Variants in MRTFB observed in about 807,000 individuals in gnomAD.
The protein encoded by MRTFB is myocardin related transcription factor B.
Under a neutral mutation model 104.2 loss-of-function variants are expected in MRTFB, and 29 were observed. The observed-to-expected ratio is 0.28, with a 90% confidence interval of 0.21 to 0.38. The LOEUF is 0.38. Among genes scored for constraint, MRTFB ranks in the 10% least tolerant of loss-of-function variants. The pLI, the probability that MRTFB is intolerant of heterozygous loss-of-function variation, is 1.00. For synonymous variants in MRTFB, 535 were observed against 519.5 expected (o/e 1.03, Z -0.41); for missense variants, 1,270 against 1,341.6 (o/e 0.95, Z 0.83).
chr16:14,236,773 G>T (rs867713387), intron 9 of MRTFB, among the ~76,000 whole-genome samples: 6 of 152,188 alleles, frequency 3.9e-5, no homozygotes, highest in Middle Eastern at 3.2e-3. Context: ...TTGTATTACT[G>T]CTAAGGGAAG....
intron 8 of MRTFB, among the ~76,000 whole-genome samples, chr16:14,225,912 A>G (rs764778921): frequency 1.4e-4 from 22 of 152,334 alleles, no homozygotes; most frequent in Non-Finnish European, 2.9e-4. Context: ...GGGGTTATCT[A>G]TGCCATAGGC....
intron 3 of MRTFB, chr16:14,143,979 T>A (rs1243380565): frequency 6.6e-6 from 1 of 152,270 alleles, no homozygotes; most frequent in African/African-American, 2.4e-5. Context: ...AATATTTGAC[T>A]ACGTTTTAAA....
intron 2 of MRTFB, among the ~76,000 whole-genome samples, chr16:14,090,261 T>G (rs1331715462): frequency 2.6e-5 from 4 of 152,262 alleles, no homozygotes; most frequent in African/African-American, 9.6e-5. Flanking sequence ...ATTAGTTTAT[T>G]AACTATACAA....
rs367787080 is a variant in MRTFB at position 14,167,321 on chromosome 16, G to A, written c.154+26561G>A. 4.6e-5 allele frequency among the ~76,000 whole-genome samples: 7 copies of A among 151,692 alleles called. No individual in the cohort carries two copies. In the East Asian group the frequency reaches 5.8e-4, roughly 13 times the overall value. ...AAATGTCTTCTTTTGAGAAATGTCTGTTCATTTCCTGTCCTTTGCCTACTT... is the reference window on the plus strand; with the variant it reads ...AAATGTCTTCTTTTGAGAAATGTCTATTCATTTCCTGTCCTTTGCCTACTT... On this transcript the variant is annotated intron_variant, in intron 3 of 16. Transcript: ENST00000571589.
the MRTFB span, among the ~76,000 whole-genome samples, chr16:14,017,697 A>G: frequency 4.4e-3 from 86 of 19,402 alleles, 1 homozygote; most frequent in Middle Eastern, 0.024. Flanking sequence ...GTATATATAT[A>G]TATATATATA....
chr16:14,147,069 A>G (rs1382282002), intron 3 of MRTFB, among the ~76,000 whole-genome samples: 1 of 152,194 alleles, frequency 6.6e-6, no homozygotes, highest in Non-Finnish European at 1.5e-5. Flanking sequence ...TGCTGTTAAC[A>G]TATTTAGGAT....
At chr16:14,209,865 A>T (rs961963150) in intron 3 of MRTFB, among the ~76,000 whole-genome samples, 4 of 152,194 alleles carry the variant, frequency 2.6e-5, no homozygotes, top group African/African-American at 9.7e-5. Context: ...ATTTGTTTTT[A>T]AAAAACTAAG....
intron 2 of MRTFB, among the ~76,000 whole-genome samples, chr16:14,135,046 G>A (rs1030186248): frequency 1.3e-5 from 2 of 152,200 alleles, no homozygotes; most frequent in Non-Finnish European, 2.9e-5. Context: ...GTCTCTAAGA[G>A]AGAAATGATT....
intron 16 of MRTFB, among the ~76,000 whole-genome samples, chr16:14,260,692 GT>G (rs2043735762): frequency 6.6e-6 from 1 of 152,134 alleles, no homozygotes; most frequent in East Asian, 1.9e-4. Flanking sequence ...AAAAAGGAAT[GT>G]AATAAACTTT....
chr16:14,029,192 T>C, the MRTFB span, among the ~76,000 whole-genome samples: 1 of 151,214 alleles, frequency 6.6e-6, no homozygotes, highest in Non-Finnish European at 1.5e-5. Flanking sequence ...TCCCAGCTAC[T>C]TGGGAGGCTC....
chr16:14,170,803 G>T (rs1328549690), intron 3 of MRTFB, among the ~76,000 whole-genome samples: 3 of 152,124 alleles, frequency 2.0e-5, no homozygotes, highest in Non-Finnish European at 4.4e-5. Context: ...TATTGACGGT[G>T]TTTGAAAGTA....
chr16:14,031,406 AAG>A, the MRTFB span, among the ~76,000 whole-genome samples: 13 of 152,150 alleles, frequency 8.5e-5, no homozygotes, highest in African/African-American at 2.9e-4. Flanking sequence ...AAAAAAAAAA[AAG>A]AATAGGTCAA....
intron 3 of MRTFB, among the ~76,000 whole-genome samples, chr16:14,198,472 A>AT (rs1199283800): frequency 6.6e-6 from 1 of 152,246 alleles, no homozygotes; most frequent in South Asian, 2.1e-4. Flanking sequence ...TTTTCCTCTG[A>AT]TAAAAATGAT....
intron 9 of MRTFB, among the ~76,000 whole-genome samples, chr16:14,238,031 G>T (rs1487301679): frequency 6.6e-6 from 1 of 152,172 alleles, no homozygotes; most frequent in Non-Finnish European, 1.5e-5. Flanking sequence ...TCAGTTATAT[G>T]AGTACAGGCA....
Position 14,247,299 on chromosome 16 carries a change from T to G in MRTFB, c.2039T>G (p.Ile680Ser), listed in dbSNP as rs1375510621. 6.2e-7 allele frequency: 1 copy of G among 1,614,084 alleles called. No individual in the cohort carries two copies. The highest frequency in any genetic ancestry group is 1.3e-5 in the African/African-American group (1 of 74,934). Residue 680 changes from isoleucine (I) to serine (S), a missense_variant, in exon 12 of 17, where the codon ATC (isoleucine) becomes AGC (serine). This residue lies in a region of MRTFB where 1,144 missense variants were observed against 1,131.5 expected (regional missense o/e 1.01). Coordinates refer to ENST00000571589, the MANE Select transcript of MRTFB (RefSeq NM_001308142.2). ...CTTGTTGCCAAAAAGGCTGTAGTTA[T>G]CAAGCAAGAGGTCCCTGTGGGCCAG... ...QTLVAKKAVV[I>S]KQEVPVGQAE... is the part of the protein sequence containing the mutation.
At chr16:14,057,163 G>A in the MRTFB span, among the ~76,000 whole-genome samples, 6 of 152,094 alleles carry the variant, frequency 3.9e-5, no homozygotes, top group Admixed American at 2.0e-4. Flanking sequence ...CAAGAGGGTC[G>A]GCCTGGGCTC....
At chr16:14,176,074 C>T (rs576003351) in intron 3 of MRTFB, among the ~76,000 whole-genome samples, 4 of 152,172 alleles carry the variant, frequency 2.6e-5, no homozygotes, top group Non-Finnish European at 5.9e-5. Flanking sequence ...TAAATGGATG[C>T]ACCTTATCAT....
At chr16:14,035,133 A>G in the MRTFB span, among the ~76,000 whole-genome samples, 2 of 152,338 alleles carry the variant, frequency 1.3e-5, no homozygotes, top group East Asian at 3.9e-4. Flanking sequence ...GGAAGTCACC[A>G]AAGTTGCTCA....
At chr16:14,143,259 T>C (rs1252287442) in intron 3 of MRTFB, 6 of 152,020 alleles carry the variant, frequency 3.9e-5, no homozygotes, top group Non-Finnish European at 8.8e-5. Context: ...CTTTCTTTAG[T>C]AACAGTCAAA....
Sources: allele counts gnomAD v4.1 joint callset (sites outside exome capture counted in the v4.1 genomes callset), GRCh38; gene constraint gnomAD v4.1.1; regional missense constraint gnomAD v4.1.1; transcripts MANE v1.5; gene names NCBI Gene and HGNC (gene_info 2026-07-23, HGNC 2026-07-21).